PIK3R5: variants seen among roughly 807,000 people sequenced by gnomAD.
PIK3R5 encodes phosphoinositide 3-kinase regulatory subunit 5.
Under a neutral mutation model 94.9 loss-of-function variants are expected in PIK3R5, and 32 were observed. The ratio of observed to expected loss-of-function variants is 0.34; its 90% CI spans 0.25 to 0.45. The LOEUF is 0.45. Among genes scored for constraint, PIK3R5 ranks in the 20% least tolerant of loss-of-function variants. The probability of loss-of-function intolerance (pLI) is 1.00; values close to 1 mark genes in which losing one functional copy is unlikely to be tolerated. For missense variants in PIK3R5, 853 were observed against 1,144.6 expected (o/e 0.75, Z 3.68); for synonymous variants, 443 against 479.4 (o/e 0.92, Z 0.99).
At chr17:8,964,165 C>T (rs763224967) in intron 1 of PIK3R5, among the ~76,000 whole-genome samples, 3 of 152,096 alleles carry the variant, frequency 2.0e-5, no homozygotes, top group Non-Finnish European at 4.4e-5. Flanking sequence ...CCAAGGTAGA[C>T]GGATCGCTTG....
intron 1 of PIK3R5, among the ~76,000 whole-genome samples, chr17:8,938,639 T>C (rs2091119351): frequency 6.6e-6 from 1 of 152,254 alleles, no homozygotes; most frequent in Non-Finnish European, 1.5e-5. Context: ...TGATATGTGG[T>C]CTTTTGCATC....
chr17:8,910,948 A>G (rs1181301453), intron 2 of PIK3R5, among the ~76,000 whole-genome samples: 1 of 152,182 alleles, frequency 6.6e-6, no homozygotes, highest in African/African-American at 2.4e-5. Context: ...GGTGGGAAAC[A>G]TAGAGGCCTC....
rs144047745 is a variant in PIK3R5 at position 8,928,517 on chromosome 17, A to C, written c.-13-17010T>G. On this transcript the variant is annotated intron_variant, in intron 1 of 18. Transcript: ENST00000447110. ...ATCTTGAAAGGATCAAGAGAGAAAC[A>C]ACACCTTATCTTAGATGAAATATAA... 4.1e-4 allele frequency among the ~76,000 whole-genome samples: 63 copies of C among 152,328 alleles called. 1 individual carries two copies. The East Asian group carries it at 0.01, about 25-fold the overall frequency.
At position 8,882,001 on chromosome 17, in the gene PIK3R5, T is replaced by A; in HGVS notation, c.2206-120A>T. The A allele has an allele frequency of 1.4e-6, 1 of 734,506 alleles. No homozygotes were observed. Among genetic ancestry groups the A allele is most frequent in the Non-Finnish European group, 2.4e-6 (1 of 421,862 alleles). The allele number at this position is 734,506 out of a possible 1,614,324, so 45.5% of individuals were successfully genotyped here. On this transcript the variant is annotated intron_variant, in intron 15 of 18. Transcript: ENST00000447110. The surrounding 1 kb of genome is among the most constrained non-coding windows in gnomAD (Gnocchi z 4.1). ...TAGTTAGCATATCCCCAGAAAGCCC[T>A]CTCTTATTCACCAGGGCCCCTGTAC...
intron 1 of PIK3R5, among the ~76,000 whole-genome samples, chr17:8,964,867 C>T (rs141495028): frequency 6.6e-6 from 1 of 152,328 alleles, no homozygotes; most frequent in African/African-American, 2.4e-5. Context: ...CTTGTTAACT[C>T]GCTTTATACC....
chr17:8,902,127 G>C lies in PIK3R5; in HGVS notation c.412+2650C>G, dbSNP rs1358330091. 4.1e-5 allele frequency among the ~76,000 whole-genome samples: 6 copies of C among 147,634 alleles called. No homozygotes were observed. The Admixed American group carries it at 4.1e-4, about 10-fold the overall frequency. ...TGCATTTTCTTTATGAGTAGTGAGGGTGAATATTTTGGGGGGTTCTTTTTG... is the reference window on the plus strand; with the variant it reads ...TGCATTTTCTTTATGAGTAGTGAGGCTGAATATTTTGGGGGGTTCTTTTTG... On this transcript the variant is annotated intron_variant, in intron 5 of 18. Coordinates refer to ENST00000447110, the MANE Select transcript of PIK3R5 (RefSeq NM_001142633.3).
intron 1 of PIK3R5, among the ~76,000 whole-genome samples, chr17:8,963,536 T>G (rs957414543): frequency 6.6e-6 from 1 of 151,856 alleles, no homozygotes; most frequent in Non-Finnish European, 1.5e-5. Context: ...CTTTTTTTTT[T>G]TTTGTTTGTC....
At chr17:8,898,630 G>A (rs2090207774) in intron 5 of PIK3R5, among the ~76,000 whole-genome samples, 1 of 152,204 alleles carries the variant, frequency 6.6e-6, no homozygotes, top group South Asian at 2.1e-4. Context: ...GAGGTGTTCT[G>A]AGGGTTAGAT....
chr17:8,908,782 A>C (rs1261614739), intron 3 of PIK3R5, among the ~76,000 whole-genome samples: 1 of 152,070 alleles, frequency 6.6e-6, no homozygotes, highest in Non-Finnish European at 1.5e-5. Flanking sequence ...TGAGGAAAGG[A>C]ATTGGGTAAA....
In PIK3R5 at chr17:8,886,283, TGAA is replaced by T; in HGVS notation, c.2071_2073del (p.Phe691del). 1 of 1,613,738 alleles carries T rather than the reference TGAA, an allele frequency of 6.2e-7. No homozygotes were observed. The highest frequency in any genetic ancestry group is 8.5e-7 in the Non-Finnish European group (1 of 1,179,966). Reference sequence around the variant, plus strand: ...GAGTGACCCAGCTCCAAGGAGTGGATGAAGATCTCTGTCGTCTTCTCCCCAGTG... The same window carrying T: ...GAGTGACCCAGCTCCAAGGAGTGGATGATCTCTGTCGTCTTCTCCCCAGTG... On this transcript the variant is annotated inframe_deletion, in exon 14 of 19. Transcript: ENST00000447110.
Position 8,888,086 on chromosome 17 carries a change from G to A in PIK3R5, c.1616+85C>T, listed in dbSNP as rs73973256. The A allele has an allele frequency of 6.7e-3, 6,856 of 1,025,298 alleles. 329 individuals are homozygous for A. The African/African-American group carries it at 0.097, about 14-fold the overall frequency. The allele number at this position is 1,025,298 out of a possible 1,614,324, so 63.5% of individuals were successfully genotyped here. On this transcript the variant is annotated intron_variant, in intron 10 of 18. Coordinates refer to ENST00000447110, the MANE Select transcript of PIK3R5 (RefSeq NM_001142633.3). The surrounding 1 kb of genome is among the most constrained non-coding windows in gnomAD (Gnocchi z 7.8). Reference sequence around the variant, plus strand: ...ATAAGGGAACTTTTGGTTCCTCTGGGGCCCTAAGCCTCAGGCCCCAGATTC... The same window carrying A: ...ATAAGGGAACTTTTGGTTCCTCTGGAGCCCTAAGCCTCAGGCCCCAGATTC...
intron 3 of PIK3R5, among the ~76,000 whole-genome samples, chr17:8,908,789 TA>T (rs1302675712): frequency 1.3e-5 from 2 of 152,154 alleles, no homozygotes; most frequent in East Asian, 1.9e-4. Flanking sequence ...AGGAATTGGG[TA>T]AAGTGTCTTC....
chr17:8,888,129 T>C lies in PIK3R5; in HGVS notation c.1616+42A>G, dbSNP rs1213731645. 1 of 1,603,976 alleles carries C rather than the reference T, an allele frequency of 6.2e-7. No homozygotes were observed. Among genetic ancestry groups the C allele is most frequent in the African/African-American group, 1.3e-5 (1 of 74,792 alleles). On this transcript the variant is annotated intron_variant, in intron 10 of 18. Transcript: ENST00000447110. The surrounding 1 kb of genome is among the most constrained non-coding windows in gnomAD (Gnocchi z 7.8). Reference sequence around the variant, plus strand: ...CCAGATTCCACCAGCACAACAACCCTGTTACCCAGGGCAGAGGGATGCTCC... The same window carrying C: ...CCAGATTCCACCAGCACAACAACCCCGTTACCCAGGGCAGAGGGATGCTCC...
rs140750758 is a variant in PIK3R5, at chr17:8,921,345, G to A, written c.-13-9838C>T. 3.2e-4 allele frequency among the ~76,000 whole-genome samples: 48 copies of A among 152,100 alleles called. No homozygotes were observed. In the Middle Eastern group the frequency reaches 0.014, roughly 43 times the overall value. On this transcript the variant is annotated intron_variant, in intron 1 of 18. Transcript: ENST00000447110. Reference sequence around the variant, plus strand: ...CATGTCTTGCTCACTCAAGTATTTCGAGTAGTTTCAGGACAGATATGTGGG... The same window carrying A: ...CATGTCTTGCTCACTCAAGTATTTCAAGTAGTTTCAGGACAGATATGTGGG...
In PIK3R5 at chr17:8,884,619, ACACGAGT is replaced by A. The variant is rs902921377; in HGVS notation, c.2205+81_2205+87del. The A allele has an allele frequency of 5.4e-5, 55 of 1,026,022 alleles. No homozygotes were observed. In the African/African-American group the frequency reaches 8.0e-4, roughly 15 times the overall value. The allele number at this position is 1,026,022 out of a possible 1,614,324, so 63.6% of individuals were successfully genotyped here. On this transcript the variant is annotated intron_variant, in intron 15 of 18. Transcript: ENST00000447110. The surrounding 1 kb of genome is among the most constrained non-coding windows in gnomAD (Gnocchi z 5.8). ...AGCGTAAAGACTGGGGCCCAGGAAC[ACACGAGT>A]CCAGCTCTGGGTCCAAGCTCTGGCG... is the stretch of plus-strand genomic sequence containing the variant.
chr17:8,916,669 G>A (rs531522409), intron 1 of PIK3R5: 1 of 152,518 alleles, frequency 6.6e-6, no homozygotes, highest in South Asian at 2.1e-4. Context: ...GACCCCAGAG[G>A]GCACAGAGAG....
chr17:8,888,136 C>A lies in PIK3R5; in HGVS notation c.1616+35G>T. On this transcript the variant is annotated intron_variant, in intron 10 of 18. Transcript: ENST00000447110. The surrounding 1 kb of genome is among the most constrained non-coding windows in gnomAD (Gnocchi z 7.8). ...CCACCAGCACAACAACCCTGTTACC[C>A]AGGGCAGAGGGATGCTCCGCATTAC... The A allele has an allele frequency of 6.2e-7, 1 of 1,608,774 alleles. No homozygotes were observed. The highest frequency in any genetic ancestry group is 8.5e-7 in the Non-Finnish European group (1 of 1,176,428).
In PIK3R5 at chr17:8,925,188, G is replaced by C. The variant is rs2090850414; in HGVS notation, c.-13-13681C>G. ...AGATGGATAGATGGGTAGATAGATA[G>C]ACAGAAAGTAGATGGATAGATAGAT... On this transcript the variant is annotated intron_variant, in intron 1 of 18. Coordinates refer to ENST00000447110, the MANE Select transcript of PIK3R5 (RefSeq NM_001142633.3). The surrounding 1 kb of genome is among the most constrained non-coding windows in gnomAD (Gnocchi z 5.1). Among the ~76,000 whole-genome samples, 1 of 151,500 alleles carries C rather than the reference G, an allele frequency of 6.6e-6. No individual in the cohort carries two copies. Among genetic ancestry groups the C allele is most frequent in the Non-Finnish European group, 1.5e-5 (1 of 67,904 alleles).
intron 1 of PIK3R5, among the ~76,000 whole-genome samples, chr17:8,915,546 G>A (rs2090613150): frequency 6.6e-6 from 1 of 152,148 alleles, no homozygotes; most frequent in Non-Finnish European, 1.5e-5. Flanking sequence ...AGGAGTGTGT[G>A]CCAGAGGGGA....
Sources: allele counts gnomAD v4.1 joint callset (sites outside exome capture counted in the v4.1 genomes callset), GRCh38; gene constraint gnomAD v4.1.1; non-coding constraint Gnocchi (gnomAD v3.1); transcripts MANE v1.5; gene names NCBI Gene and HGNC (gene_info 2026-07-23, HGNC 2026-07-21).